The following RET variants were observed in gnomAD, a reference collection of about 807,000 sequenced individuals.
The protein encoded by RET is proto-oncogene tyrosine-protein kinase receptor Ret.
RET carries 19 observed loss-of-function variants against 118.3 expected under a neutral mutation model. That is an observed-to-expected ratio of 0.16 (90% CI 0.11 to 0.24). The LOEUF (loss-of-function observed/expected upper bound fraction) is 0.24, where lower values mean the gene tolerates loss of function less well. Among genes scored for constraint, RET ranks in the 10% least tolerant of loss-of-function variants. The pLI is 1.00. For synonymous variants in RET, 597 were observed against 644.1 expected (o/e 0.93, Z 1.11); for missense variants, 1,219 against 1,502.1 (o/e 0.81, Z 3.12).
chr10:43,104,811 C>G, intron 3 of RET, 141 bp from the exon 4 acceptor site: 2 of 1,305,718 alleles, frequency 1.5e-6, no homozygotes, highest in South Asian at 2.8e-5. Context: ...GCGCTGCCCT[C>G]CCCTGTGGAG....
At chr10:43,110,139 C>T (rs985812408) in intron 6 of RET, among the ~76,000 whole-genome samples, 32 of 151,928 alleles carry the variant, frequency 2.1e-4, no homozygotes, top group Admixed American at 3.9e-4. Flanking sequence ...GACAGAGGGG[C>T]GACAAGACAG....
chr10:43,105,723 A>T (rs541421932), intron 4 of RET, among the ~76,000 whole-genome samples: 2 of 151,818 alleles, frequency 1.3e-5, no homozygotes, highest in East Asian at 3.9e-4. Flanking sequence ...GGGCGTGGGG[A>T]CTGAGGTAGG....
At position 43,119,612 on chromosome 10, in the gene RET, G is replaced by C. The variant is rs1838158368; in HGVS notation, c.2474G>C (p.Gly825Ala). Residue 825 changes from glycine (G) to alanine (A), a missense_variant, in exon 14 of 20, where the codon GGC (glycine) becomes GCC (alanine). Physicochemically the swap from Gly to Ala is moderately conservative, Grantham distance 60. Coordinates refer to ENST00000355710, the MANE Select transcript of RET (RefSeq NM_020975.6). ...CGCGAGAGCCGCAAAGTGGGGCCTG[G>C]CTACCTGGGCAGTGGAGGCAGCCGC... ...FLRESRKVGP[G>A]YLGSGGSRNS... 7 of 1,612,658 alleles carry C rather than the reference G, an allele frequency of 4.3e-6. No individual in the cohort carries two copies. In the South Asian group the frequency reaches 7.7e-5, roughly 18 times the overall value.
chr10:43,126,756 A>G, intron 19 of RET, 34 bp downstream of exon 19: 3 of 1,611,460 alleles, frequency 1.9e-6, no homozygotes, highest in Non-Finnish European at 2.5e-6. Flanking sequence ...AGATTCTAGC[A>G]CCGCTGTCCC....
chr10:43,128,778 A>C lies in RET; in HGVS notation c.*509A>C. 3.6e-6 allele frequency: 1 copy of C among 279,916 alleles called. No homozygotes were observed. Among genetic ancestry groups the C allele is most frequent in the Non-Finnish European group, 6.8e-6 (1 of 146,288 alleles). 17.3% of individuals were successfully genotyped at this position (279,916 alleles called of 1,614,324 possible). A position where few individuals can be genotyped will look rare whatever the true frequency, so the allele number is the denominator to read the frequency against. On this transcript the variant is annotated 3_prime_UTR_variant, in exon 20 of 20. Coordinates refer to ENST00000355710, the MANE Select transcript of RET (RefSeq NM_020975.6). ...GAGACTGCGGGGGGGGCCTGGGGGT[A>C]GTGTCAATGCCCCTCCAGGGCTGGA...
At position 43,111,460 on chromosome 10, in the gene RET, G is replaced by T. The variant is rs1273035640; in HGVS notation, c.1517G>T (p.Gly506Val). ...GCCCAGCTGCTTGTAACAGTGGAGGGGTCATGTGAGTGCCTGCTCCAGGGA... is the reference window on the plus strand; with the variant it reads ...GCCCAGCTGCTTGTAACAGTGGAGGTGTCATGTGAGTGCCTGCTCCAGGGA... ...AQAQLLVTVE[G>V]SYVAEEAGCP... Residue 506 changes from glycine to valine, a missense_variant, in exon 7 of 20, where the codon GGG becomes GTG. Around this residue, in one of 5 missense-constraint regions of RET, gnomAD observed 850 missense variants for 969.6 expected, o/e 0.88. Transcript: ENST00000355710. 6.2e-7 allele frequency: 1 copy of T among 1,611,778 alleles called. No homozygotes were observed. Among genetic ancestry groups the T allele is most frequent in the Admixed American group, 1.7e-5 (1 of 59,982 alleles).
rs2132832112 is a variant in RET at position 43,113,675 on chromosome 10, G to A, written c.1879G>A (p.Asp627Asn). 6.2e-7 allele frequency: 1 copy of A among 1,613,024 alleles called. No homozygotes were observed. Among genetic ancestry groups the A allele is most frequent in the Admixed American group, 1.7e-5 (1 of 59,980 alleles). The change falls in exon 10 of 20, where the codon GAT (aspartate) becomes AAT (asparagine). Residue 627 changes from aspartate (D) to asparagine (N), a missense_variant and splice_region_variant. Physicochemically the swap from Asp to Asn is conservative, Grantham distance 23. This residue lies in a region of RET where 850 missense variants were observed against 969.6 expected (regional missense o/e 0.88). Transcript: ENST00000355710. Reference protein sequence around the residue: ...KCFCEPEDIQDPLCDELCRTV... With the variant: ...KCFCEPEDIQNPLCDELCRTV... Reference sequence around the variant, plus strand: ...CTTCTGCGAGCCCGAAGACATCCAGGGTGAGTGGGTGGCGGCCGGGACCAC... The same window carrying A: ...CTTCTGCGAGCCCGAAGACATCCAGAGTGAGTGGGTGGCGGCCGGGACCAC...
intron 16 of RET, among the ~76,000 whole-genome samples, chr10:43,122,996 G>C (rs930944142): frequency 1.1e-4 from 16 of 152,212 alleles, no homozygotes; most frequent in Admixed American, 9.8e-4. Context: ...AGGCTAGTTG[G>C]AAAAGGCAGA....
chr10:43,119,523 G>GC lies in RET; in HGVS notation c.2393-3dup. 1 of 1,589,158 alleles carries GC rather than the reference G, an allele frequency of 6.3e-7. No homozygotes were observed. Among genetic ancestry groups the GC allele is most frequent in the South Asian group, 1.1e-5 (1 of 88,496 alleles). The stretch of plus-strand genomic sequence containing the variant: ...CGCACGCCCAGGGCCCCCTCTCTCC[G>GC]CCCCCAGGCCCGCTCCTCCTCATCG... On this transcript the variant is annotated splice_polypyrimidine_tract_variant and splice_region_variant and intron_variant, in intron 13 of 19. Transcript: ENST00000355710.
chr10:43,080,347 A>G (rs1046249920), intron 1 of RET, among the ~76,000 whole-genome samples: 2 of 152,236 alleles, frequency 1.3e-5, no homozygotes, highest in African/African-American at 4.8e-5. Flanking sequence ...TAATACCAGC[A>G]GTAGCACCCC....
intron 14 of RET, 36 bp from the exon 15 acceptor site, chr10:43,120,045 C>T (rs2132957143): frequency 1.2e-6 from 2 of 1,611,502 alleles, no homozygotes. Context: ...TGCTGCCTGG[C>T]CATGGCCTGA....
At position 43,103,209 on chromosome 10, in the gene RET, T is replaced by C. The variant is rs1464101579; in HGVS notation, c.625+580T>C. Among the ~76,000 whole-genome samples, 7 of 151,924 alleles carry C rather than the reference T, an allele frequency of 4.6e-5. No individual in the cohort carries two copies. In the East Asian group the frequency reaches 1.4e-3, roughly 30 times the overall value. The stretch of plus-strand genomic sequence containing the variant: ...TTGCAGGGCTTTCTCCGGAGGAACA[T>C]GGGGAGCTATGGAAGACTTTGGAGG... On this transcript the variant is annotated intron_variant, in intron 3 of 19. Coordinates refer to ENST00000355710, the MANE Select transcript of RET (RefSeq NM_020975.6).
chr10:43,106,584 G>C lies in RET; in HGVS notation c.1063+13G>C. The C allele has an allele frequency of 6.2e-7, 1 of 1,612,388 alleles. No homozygotes were observed. The highest frequency in any genetic ancestry group is 8.5e-7 in the Non-Finnish European group (1 of 1,179,196). ...GTACATGACTATAGTAAGAGGGGCT[G>C]GTGGCACGGCCTGGCTAGGCCCCCA... is the stretch of plus-strand genomic sequence containing the variant. On this transcript the variant is annotated intron_variant, in intron 5 of 19. Transcript: ENST00000355710. This position sits in a 1 kb window ranked among gnomAD's most constrained non-coding sequence, Gnocchi z 5.1.
At chr10:43,089,770 G>T (rs1228340721) in intron 1 of RET, among the ~76,000 whole-genome samples, 1 of 152,230 alleles carries the variant, frequency 6.6e-6, no homozygotes, top group Admixed American at 6.5e-5. Context: ...TGGCTCATAG[G>T]CAGGGCATCT....
chr10:43,080,404 A>G (rs1291359799), intron 1 of RET, among the ~76,000 whole-genome samples: 1 of 152,204 alleles, frequency 6.6e-6, no homozygotes. Context: ...TACTCACTTC[A>G]TCTTTTCCAA....
intron 1 of RET, among the ~76,000 whole-genome samples, chr10:43,098,781 A>G (rs1398045739): frequency 6.6e-6 from 1 of 152,168 alleles, no homozygotes; most frequent in Non-Finnish European, 1.5e-5. Context: ...TGTTTTGTTC[A>G]TCCATTCATC....
At chr10:43,125,793 G>A (rs748437628) in intron 18 of RET, among the ~76,000 whole-genome samples, 1 of 152,142 alleles carries the variant, frequency 6.6e-6, no homozygotes, top group African/African-American at 2.4e-5. Context: ...CTTGGATAGC[G>A]GGATGCAGGA....
intron 8 of RET, 26 bp from the exon 9 acceptor site, chr10:43,112,827 G>A (rs779437515): frequency 6.3e-7 from 1 of 1,595,462 alleles, no homozygotes; most frequent in South Asian, 1.1e-5. Context: ...CCACATGGGT[G>A]ACAGCCTGCT....
intron 1 of RET, among the ~76,000 whole-genome samples, chr10:43,085,988 G>A (rs1290364890): frequency 4.6e-5 from 7 of 152,182 alleles, no homozygotes; most frequent in African/African-American, 2.4e-5. Context: ...GCTCTTAAGA[G>A]CAGACCCTCA....
Sources: allele counts gnomAD v4.1 joint callset (sites outside exome capture counted in the v4.1 genomes callset), GRCh38; gene constraint gnomAD v4.1.1; regional missense constraint gnomAD v4.1.1; non-coding constraint Gnocchi (gnomAD v3.1); transcripts MANE v1.5; gene names NCBI Gene and HGNC (gene_info 2026-07-23, HGNC 2026-07-21).